AUTS2: variants seen among roughly 807,000 people sequenced by gnomAD.
The protein encoded by AUTS2 is autism susceptibility gene 2 protein.
A neutral mutation model predicts 112.4 loss-of-function variants in AUTS2; 17 were observed. That is an observed-to-expected ratio of 0.15 (90% CI 0.10 to 0.23). AUTS2 has a LOEUF of 0.23. Ranked by LOEUF, AUTS2 falls within the 10% of genes least tolerant of loss-of-function variation. The pLI is 1.00. For missense variants in AUTS2, 1,510 were observed against 1,701.6 expected (o/e 0.89, Z 1.98); for synonymous variants, 751 against 702.7 (o/e 1.07, Z -1.09).
chr7:70,401,949 A>T (rs1794343185), intron 4 of AUTS2, among the ~76,000 whole-genome samples: 1 of 152,238 alleles, frequency 6.6e-6, no homozygotes, highest in Non-Finnish European at 1.5e-5. Context: ...GACAGGCTGT[A>T]ACTTCTTACA....
chr7:69,875,150 C>G (rs916694480), intron 1 of AUTS2, among the ~76,000 whole-genome samples: 5 of 151,624 alleles, frequency 3.3e-5, no homozygotes, highest in African/African-American at 1.2e-4. Context: ...GCTTTTTGCT[C>G]TCTTTTAAAC....
At chr7:70,470,394 A>C (rs1046809877) in intron 5 of AUTS2, among the ~76,000 whole-genome samples, 24 of 152,224 alleles carry the variant, frequency 1.6e-4, no homozygotes, top group African/African-American at 4.3e-4. Flanking sequence ...GTTTAAGGTA[A>C]AGAGAGCCTC....
intron 2 of AUTS2, among the ~76,000 whole-genome samples, chr7:69,944,376 C>T (rs1213491131): frequency 6.6e-6 from 1 of 152,192 alleles, no homozygotes; most frequent in Non-Finnish European, 1.5e-5. Flanking sequence ...ATGGAGACTG[C>T]TGGAGTAGAC....
intron 2 of AUTS2, among the ~76,000 whole-genome samples, chr7:70,106,041 C>G (rs1804748882): frequency 6.6e-6 from 1 of 152,194 alleles, no homozygotes; most frequent in Admixed American, 6.5e-5. Flanking sequence ...TTGGGAAATT[C>G]ATGGTTCTCT....
chr7:70,166,836 A>G (rs1808408648), intron 4 of AUTS2, among the ~76,000 whole-genome samples: 2 of 152,362 alleles, frequency 1.3e-5, no homozygotes, highest in South Asian at 4.1e-4. Flanking sequence ...GATAGAAAGT[A>G]AAACCCAATT....
chr7:70,046,339 C>T (rs1801502775), intron 2 of AUTS2, among the ~76,000 whole-genome samples: 1 of 152,110 alleles, frequency 6.6e-6, no homozygotes, highest in African/African-American at 2.4e-5. Flanking sequence ...ATGGATACAC[C>T]TTAATATCTT....
chr7:70,723,353 C>A (rs1009723042), intron 6 of AUTS2, among the ~76,000 whole-genome samples: 6 of 152,092 alleles, frequency 3.9e-5, no homozygotes, highest in African/African-American at 1.4e-4. Flanking sequence ...CCACATTCAC[C>A]CTCTCAACCC....
At chr7:70,236,455 A>G (rs974019664) in intron 4 of AUTS2, among the ~76,000 whole-genome samples, 3 of 152,140 alleles carry the variant, frequency 2.0e-5, no homozygotes, top group Non-Finnish European at 4.4e-5. Flanking sequence ...GCAATTTTCA[A>G]CCTTTTTGAT....
rs566118327 is a variant in AUTS2 at position 70,778,437 on chromosome 7, A to ATGTT, written c.2004+1265_2004+1268dup. On this transcript the variant is annotated intron_variant, in intron 14 of 18. Coordinates refer to ENST00000342771, the MANE Select transcript of AUTS2 (RefSeq NM_015570.4). ...TAGAGCTCTTCATCACAGAAGAGACATGTTTTTAAAAGGGTTACGTGATTT... is the reference window on the plus strand; with the variant it reads ...TAGAGCTCTTCATCACAGAAGAGACATGTTTGTTTTTAAAAGGGTTACGTGATTT... Among the ~76,000 whole-genome samples, 749 of 152,274 alleles carry ATGTT rather than the reference A, an allele frequency of 4.9e-3. 8 individuals carry two copies. The highest frequency in any genetic ancestry group is 0.012 in the South Asian group (58 of 4,824).
intron 4 of AUTS2, among the ~76,000 whole-genome samples, chr7:70,326,219 A>T (rs948240068): frequency 2.0e-5 from 3 of 151,950 alleles, no homozygotes; most frequent in South Asian, 2.1e-4. Context: ...AGGGGAACTG[A>T]TGTTTCTATC....
chr7:69,683,199 C>T (rs1339252261), intron 1 of AUTS2, among the ~76,000 whole-genome samples: 7 of 152,196 alleles, frequency 4.6e-5, no homozygotes, highest in African/African-American at 1.7e-4. Flanking sequence ...ACTGGCCCTC[C>T]TATCCTAGTC....
At chr7:70,113,389 T>C (rs189196535) in intron 2 of AUTS2, among the ~76,000 whole-genome samples, 1 of 152,190 alleles carries the variant, frequency 6.6e-6, no homozygotes, top group Non-Finnish European at 1.5e-5. Context: ...TCCATGATAC[T>C]TTCCCAATTT....
chr7:70,677,442 C>A (rs889531992), intron 5 of AUTS2, among the ~76,000 whole-genome samples: 7 of 152,162 alleles, frequency 4.6e-5, no homozygotes, highest in Admixed American at 4.6e-4. Context: ...TGATGTTAAC[C>A]AGTTCCCCAG....
chr7:69,951,514 A>G (rs1797025596), intron 2 of AUTS2, among the ~76,000 whole-genome samples: 1 of 152,204 alleles, frequency 6.6e-6, no homozygotes, highest in South Asian at 2.1e-4. Flanking sequence ...AATACCAGAG[A>G]TAGTGGACAG....
intron 2 of AUTS2, among the ~76,000 whole-genome samples, chr7:70,029,953 G>A (rs1274648970): frequency 6.6e-6 from 1 of 152,170 alleles, no homozygotes; most frequent in Non-Finnish European, 1.5e-5. Context: ...TTTAGAAGCT[G>A]TTTGTTGCAA....
chr7:70,454,477 C>A (rs914297863), intron 5 of AUTS2, among the ~76,000 whole-genome samples: 1 of 152,034 alleles, frequency 6.6e-6, no homozygotes, highest in African/African-American at 2.4e-5. Context: ...GCAGAGGTTG[C>A]AGTAAGCCGA....
At chr7:70,036,815 A>C (rs893169028) in intron 2 of AUTS2, among the ~76,000 whole-genome samples, 9 of 152,178 alleles carry the variant, frequency 5.9e-5, no homozygotes, top group African/African-American at 2.2e-4. Flanking sequence ...TTCTTTTGCC[A>C]ATCAGTTAAA....
chr7:70,383,451 A>G (rs959537303), intron 4 of AUTS2, among the ~76,000 whole-genome samples: 2 of 152,224 alleles, frequency 1.3e-5, no homozygotes, highest in South Asian at 2.1e-4. Flanking sequence ...CATTGCCTGT[A>G]AGAAAGCCAT....
intron 4 of AUTS2, among the ~76,000 whole-genome samples, chr7:70,377,319 AATATAAATATATATAT>A (rs1562922054): frequency 1.3e-5 from 1 of 77,014 alleles, no homozygotes; most frequent in South Asian, 5.2e-4. Flanking sequence ...CAAACAAACA[AATATAAATATATATAT>A]ATATATATAT....
Sources: gnomAD v4.1 joint callset for allele counts (sites outside exome capture counted in the v4.1 genomes callset) on GRCh38, gnomAD v4.1.1 for gene constraint, MANE v1.5 for transcripts, NCBI Gene and HGNC (gene_info 2026-07-23, HGNC 2026-07-21) for gene names.